ROBO1: variants seen among roughly 807,000 people sequenced by gnomAD.
ROBO1 encodes roundabout homolog 1.
Under a neutral mutation model 195.9 loss-of-function variants are expected in ROBO1, and 149 were observed. The observed-to-expected ratio is 0.76, with a 90% CI of 0.67 to 0.87. The LOEUF (loss-of-function observed/expected upper bound fraction) is 0.87. Ranked by LOEUF, ROBO1 falls within the 40% of genes least tolerant of loss-of-function variation. The pLI is 0.00. For synonymous variants in ROBO1, 816 were observed against 733.2 expected, an observed-to-expected ratio of 1.11 and a Z score of -1.82; for missense variants, 1,933 against 2,068.3, an observed-to-expected ratio of 0.93 and a Z score of 1.27.
intron 4 of ROBO1, among the ~76,000 whole-genome samples, chr3:78,861,554 T>C (rs573302653): frequency 4.6e-5 from 7 of 152,346 alleles, no homozygotes; most frequent in East Asian, 3.9e-4. Context: ...TCATTACATA[T>C]TGCCATGAAT....
At chr3:79,718,325 T>G (rs1028555829) in intron 1 of ROBO1, among the ~76,000 whole-genome samples, 3 of 152,022 alleles carry the variant, frequency 2.0e-5, no homozygotes, top group African/African-American at 7.2e-5. Context: ...TTAAACAACT[T>G]AAGCATTGAG....
intron 3 of ROBO1, among the ~76,000 whole-genome samples, chr3:79,005,555 C>T (rs1350398760): frequency 1.3e-5 from 2 of 152,064 alleles, no homozygotes; most frequent in African/African-American, 4.8e-5. Flanking sequence ...ACAAAAGTTT[C>T]TTCATATAGT....
intron 2 of ROBO1, among the ~76,000 whole-genome samples, chr3:79,136,048 C>T (rs2080402460): frequency 6.6e-6 from 1 of 152,156 alleles, no homozygotes; most frequent in Non-Finnish European, 1.5e-5. Flanking sequence ...CATGCAATGG[C>T]ATTTCTCTTT....
chr3:79,629,729 T>C (rs1945283362), intron 1 of ROBO1, among the ~76,000 whole-genome samples: 1 of 151,894 alleles, frequency 6.6e-6, no homozygotes, highest in South Asian at 2.1e-4. Context: ...ATAAACAAAA[T>C]TGATAGACCA....
chr3:79,217,524 A>G (rs886334136), intron 2 of ROBO1, among the ~76,000 whole-genome samples: 3 of 151,926 alleles, frequency 2.0e-5, no homozygotes, highest in Non-Finnish European at 4.4e-5. Context: ...CAATTCTTCT[A>G]CTTAGTCCAG....
In ROBO1 at chr3:79,753,253, A is replaced by G. The variant is rs562284255; in HGVS notation, c.-51+14499T>C. On this transcript the variant is annotated intron_variant, in intron 1 of 30. Transcript: ENST00000464233. ...TTAGTTCACATTCCCAGCAATTCTG[A>G]TTTAAATGATTGGGGTGCAAACTGG... Among the ~76,000 whole-genome samples, 3 of 151,992 alleles carry G rather than the reference A, an allele frequency of 2.0e-5. No homozygotes were observed. In the South Asian group the frequency reaches 6.2e-4, roughly 32 times the overall value.
At chr3:78,836,269 T>C (rs1014027702) in intron 4 of ROBO1, among the ~76,000 whole-genome samples, 5 of 152,052 alleles carry the variant, frequency 3.3e-5, no homozygotes, top group African/African-American at 9.7e-5. Flanking sequence ...TCCCAGCACT[T>C]TGGGAGGCCG....
At chr3:79,202,313 AT>A (rs1343682937) in intron 2 of ROBO1, among the ~76,000 whole-genome samples, 3 of 152,112 alleles carry the variant, frequency 2.0e-5, no homozygotes, top group Admixed American at 2.0e-4. Context: ...ATACTTAAAG[AT>A]CACCTACAAA....
chr3:78,717,672 G>A, intron 6 of ROBO1, 91 bp downstream of exon 6: 1 of 1,394,368 alleles, frequency 7.2e-7, no homozygotes, highest in East Asian at 2.5e-5. Context: ...AAAATATTTG[G>A]CTTAACAATT....
intron 3 of ROBO1, among the ~76,000 whole-genome samples, chr3:79,006,760 A>G (rs1162844396): frequency 3.7e-5 from 5 of 135,158 alleles, no homozygotes; most frequent in Admixed American, 3.6e-4. Flanking sequence ...AATATCGGAA[A>G]AAAAAAAAAA....
In ROBO1 at chr3:78,711,284, CCTTT is replaced by C. The variant is rs577151304; in HGVS notation, c.1045+3109_1045+3112del. Among the ~76,000 whole-genome samples, 55 of 149,264 alleles carry C rather than the reference CCTTT, an allele frequency of 3.7e-4. No homozygotes were observed. In the South Asian group the frequency reaches 7.2e-3, roughly 20 times the overall value. The stretch of plus-strand genomic sequence containing the variant: ...CTCTCTTTCTTCCTTTCTTTCTTTC[CCTTT>C]CTTTCTTTCTCTTTCTTTCTTTCTT... On this transcript the variant is annotated intron_variant, in intron 8 of 30. Coordinates refer to ENST00000464233, the MANE Select transcript of ROBO1 (RefSeq NM_002941.4).
intron 1 of ROBO1, among the ~76,000 whole-genome samples, chr3:79,633,736 A>C (rs1220723627): frequency 6.8e-6 from 1 of 147,304 alleles, no homozygotes; most frequent in Non-Finnish European, 1.5e-5. Flanking sequence ...TTAAAAAAAA[A>C]CACAAGAAAA....
intron 3 of ROBO1, among the ~76,000 whole-genome samples, chr3:79,098,537 C>T (rs1576671312): frequency 6.6e-6 from 1 of 151,932 alleles, no homozygotes; most frequent in African/African-American, 2.4e-5. Context: ...TGGTTCTGGC[C>T]TATGCCTGTT....
chr3:79,263,414 C>T (rs1230759736), intron 2 of ROBO1, among the ~76,000 whole-genome samples: 1 of 151,914 alleles, frequency 6.6e-6, no homozygotes, highest in East Asian at 1.9e-4. Context: ...TTTGAGAGTC[C>T]AAGGCAGGAA....
intron 3 of ROBO1, among the ~76,000 whole-genome samples, chr3:79,042,758 G>A (rs761624967): frequency 6.6e-6 from 1 of 151,988 alleles, no homozygotes. Flanking sequence ...TAATTTAGAC[G>A]ATAGATGATT....
At position 78,648,587 on chromosome 3, in the gene ROBO1, A is replaced by G. The variant is rs559478310; in HGVS notation, c.2813-932T>C. On this transcript the variant is annotated intron_variant, in intron 19 of 30. Coordinates refer to ENST00000464233, the MANE Select transcript of ROBO1 (RefSeq NM_002941.4). ...TTCTCCCATTCCTGGGGGGTTGGATAACGGCAGAGCAATTTCCATGTCATT... is the reference window on the plus strand; with the variant it reads ...TTCTCCCATTCCTGGGGGGTTGGATGACGGCAGAGCAATTTCCATGTCATT... Among the ~76,000 whole-genome samples the G allele has an allele frequency of 2.6e-5, 4 of 152,058 alleles. No homozygotes were observed. The South Asian group carries it at 8.3e-4, about 32-fold the overall frequency.
At chr3:79,553,764 C>T (rs1046109256) in intron 2 of ROBO1, among the ~76,000 whole-genome samples, 6 of 152,078 alleles carry the variant, frequency 3.9e-5, no homozygotes, top group African/African-American at 1.4e-4. Flanking sequence ...TTTCAATTAT[C>T]ACTGGCCACG....
At chr3:79,553,660 A>G (rs1037426813) in intron 2 of ROBO1, among the ~76,000 whole-genome samples, 1 of 152,120 alleles carries the variant, frequency 6.6e-6, no homozygotes, top group East Asian at 1.9e-4. Context: ...GAAAGTAAAC[A>G]TTATTGGAAA....
In ROBO1 at chr3:78,644,828, G is replaced by A. The variant is rs116583241; in HGVS notation, c.2882+1320C>T. ...TTGTGTACACACACCCACGCACAGA[G>A]GCTAGTGAAGAACATATCAAAGACA... On this transcript the variant is annotated intron_variant, in intron 21 of 30. Coordinates refer to ENST00000464233, the MANE Select transcript of ROBO1 (RefSeq NM_002941.4). Among the ~76,000 whole-genome samples, 1,335 of 152,278 alleles carry A rather than the reference G, an allele frequency of 8.8e-3. 23 individuals carry two copies. Among genetic ancestry groups the A allele is most frequent in the African/African-American group, 0.031 (1,271 of 41,568 alleles).
Sources: gnomAD v4.1 joint callset for allele counts (sites outside exome capture counted in the v4.1 genomes callset) on GRCh38, gnomAD v4.1.1 for gene constraint, MANE v1.5 for transcripts, NCBI Gene and HGNC (gene_info 2026-07-23, HGNC 2026-07-21) for gene names.